OSBPL10: variants seen among roughly 807,000 people sequenced by gnomAD.
OSBPL10 encodes oxysterol binding protein like 10.
In OSBPL10, 49 loss-of-function variants were observed where a neutral mutation model predicts 81.7. That is an observed-to-expected ratio of 0.60 (90% CI 0.48 to 0.76). The LOEUF is 0.76. Ranked by LOEUF, OSBPL10 falls within the 30% of genes least tolerant of loss-of-function variation. The pLI is 0.00. For missense variants in OSBPL10, 923 were observed against 987.8 expected, an observed-to-expected ratio of 0.93 and a Z score of 0.88; for synonymous variants, 419 against 383.6, an observed-to-expected ratio of 1.09 and a Z score of -1.08.
At chr3:31,943,319 G>C (rs1697588990) in intron 1 of OSBPL10, among the ~76,000 whole-genome samples, 1 of 152,044 alleles carries the variant, frequency 6.6e-6, no homozygotes, top group South Asian at 2.1e-4. Flanking sequence ...AATGAACCTT[G>C]CCATACAAGT....
chr3:31,813,223 G>A (rs1488001191), intron 4 of OSBPL10, among the ~76,000 whole-genome samples: 1 of 152,208 alleles, frequency 6.6e-6, no homozygotes, highest in Non-Finnish European at 1.5e-5. Flanking sequence ...GTGACATCAA[G>A]TTCTGATTTA....
At chr3:32,042,413 G>T (rs115276541) in intron 2 of OSBPL10, among the ~76,000 whole-genome samples, 1 of 152,064 alleles carries the variant, frequency 6.6e-6, no homozygotes, top group Non-Finnish European at 1.5e-5. Context: ...TCTCTATTTC[G>T]CTAGGTCAAA....
chr3:31,743,104 G>A (rs551861965), intron 5 of OSBPL10, among the ~76,000 whole-genome samples: 77 of 133,344 alleles, frequency 5.8e-4, no homozygotes, highest in African/African-American at 1.7e-3. Flanking sequence ...GCAGTGGTGC[G>A]ATCTCAGCTC....
intron 7 of OSBPL10, among the ~76,000 whole-genome samples, chr3:31,686,425 T>C (rs1162652229): frequency 6.6e-6 from 1 of 152,180 alleles, no homozygotes; most frequent in African/African-American, 2.4e-5. Flanking sequence ...TTGAAAAGTA[T>C]GTCAGGAGAA....
intron 1 of OSBPL10, among the ~76,000 whole-genome samples, chr3:32,056,987 G>T (rs919523862): frequency 1.3e-5 from 2 of 152,158 alleles, no homozygotes; most frequent in African/African-American, 4.8e-5. Context: ...CATCCTCAGT[G>T]CTCATTATAT....
chr3:31,871,936 C>CA (rs1701339151), intron 3 of OSBPL10, among the ~76,000 whole-genome samples: 1 of 152,214 alleles, frequency 6.6e-6, no homozygotes, highest in Admixed American at 6.5e-5. Context: ...TTAAGACCTT[C>CA]AAAGTCATAC....
chr3:31,765,747 T>G (rs548646222), intron 4 of OSBPL10, among the ~76,000 whole-genome samples: 8 of 151,868 alleles, frequency 5.3e-5, no homozygotes, highest in Non-Finnish European at 7.4e-5. Flanking sequence ...CAGGTTTGGG[T>G]TTTTTTTCTT....
At chr3:31,747,166 C>G (rs1697552020) in intron 5 of OSBPL10, among the ~76,000 whole-genome samples, 1 of 152,006 alleles carries the variant, frequency 6.6e-6, no homozygotes, top group Non-Finnish European at 1.5e-5. Flanking sequence ...GAAACCCCGT[C>G]TCTACTGAAA....
At chr3:31,913,525 G>C (rs1324195035) in intron 1 of OSBPL10, among the ~76,000 whole-genome samples, 1 of 152,186 alleles carries the variant, frequency 6.6e-6, no homozygotes, top group Non-Finnish European at 1.5e-5. Context: ...TGGGATTACA[G>C]GCGTGAGCCA....
intron 1 of OSBPL10, among the ~76,000 whole-genome samples, chr3:31,907,190 G>A (rs1416146016): frequency 6.6e-6 from 1 of 152,106 alleles, no homozygotes; most frequent in Non-Finnish European, 1.5e-5. Flanking sequence ...AGGCCCCATG[G>A]TATCAGACCA....
At chr3:31,926,292 C>CCCCCCCG (rs987421368) in intron 1 of OSBPL10, among the ~76,000 whole-genome samples, 5 of 144,496 alleles carry the variant, frequency 3.5e-5, no homozygotes, top group East Asian at 2.1e-4. Flanking sequence ...TGATTTTGCC[C>CCCCCCCG]CCCCAGAGGA....
chr3:31,784,068 G>A (rs1252389724), intron 4 of OSBPL10, among the ~76,000 whole-genome samples: 1 of 151,418 alleles, frequency 6.6e-6, no homozygotes, highest in Non-Finnish European at 1.5e-5. Flanking sequence ...GCTGGGTGCA[G>A]TGGCTCACGC....
chr3:31,876,935 GCT>G (rs1354559431), intron 2 of OSBPL10, among the ~76,000 whole-genome samples: 1 of 135,528 alleles, frequency 7.4e-6, no homozygotes, highest in Non-Finnish European at 1.5e-5. Flanking sequence ...ACGGAGTCTC[GCT>G]CTGTCGCCCA....
intron 1 of OSBPL10, among the ~76,000 whole-genome samples, chr3:31,914,608 G>C (rs116192286): frequency 6.6e-6 from 1 of 152,118 alleles, no homozygotes; most frequent in Non-Finnish European, 1.5e-5. Context: ...ATTTGAGCCC[G>C]AGACTCTGGA....
intron 3 of OSBPL10, among the ~76,000 whole-genome samples, chr3:31,848,475 G>A (rs1437961240): frequency 3.3e-5 from 5 of 151,700 alleles, no homozygotes; most frequent in East Asian, 1.9e-4. Flanking sequence ...GACTTTTTTC[G>A]TCAGTTCTTT....
intron 3 of OSBPL10, among the ~76,000 whole-genome samples, chr3:31,847,904 A>G (rs560664917): frequency 6.6e-6 from 1 of 152,236 alleles, no homozygotes; most frequent in South Asian, 2.1e-4. Flanking sequence ...CCAGACACAC[A>G]GCGGGGCTGC....
chr3:31,712,829 C>T (rs1696303835), intron 6 of OSBPL10, among the ~76,000 whole-genome samples: 1 of 152,204 alleles, frequency 6.6e-6, no homozygotes, highest in Admixed American at 6.5e-5. Flanking sequence ...CAATTCATAC[C>T]TCCAAAATAT....
chr3:31,935,504 T>C (rs1697358842), intron 1 of OSBPL10, among the ~76,000 whole-genome samples: 2 of 149,398 alleles, frequency 1.3e-5, no homozygotes, highest in South Asian at 2.2e-4. Flanking sequence ...AATCTACTCC[T>C]ATGAAATAGA....
At chr3:31,702,323 C>T (rs1363594669) in intron 7 of OSBPL10, 36 bp downstream of exon 7, 2 of 1,608,664 alleles carry the variant, frequency 1.2e-6, no homozygotes, top group Non-Finnish European at 1.7e-6. Flanking sequence ...AGAACCCCAA[C>T]AACTGACCAC....
Sources: gnomAD v4.1 joint callset for allele counts (sites outside exome capture counted in the v4.1 genomes callset) on GRCh38, gnomAD v4.1.1 for gene constraint, MANE v1.5 for transcripts, NCBI Gene and HGNC (gene_info 2026-07-23, HGNC 2026-07-21) for gene names.